Variants in PLCE1 observed in about 807,000 individuals in gnomAD.
PLCE1 encodes 1-phosphatidylinositol 4,5-bisphosphate phosphodiesterase epsilon-1.
PLCE1 carries 119 observed loss-of-function variants against 242.8 expected under a neutral mutation model. That is an observed-to-expected ratio of 0.49 (90% CI 0.42 to 0.57). The LOEUF (loss-of-function observed/expected upper bound fraction) is 0.57, where lower values mean the gene tolerates loss of function less well. PLCE1 is among the 20% of genes least tolerant of loss of function. The pLI is 0.00. For synonymous variants in PLCE1, 945 were observed against 1,017.4 expected (o/e 0.93, Z 1.35); for missense variants, 2,441 against 2,788.8 (o/e 0.88, Z 2.81).
intron 3 of PLCE1, among the ~76,000 whole-genome samples, chr10:94,170,855 G>A (rs750794121): frequency 6.6e-6 from 1 of 152,094 alleles, no homozygotes; most frequent in Non-Finnish European, 1.5e-5. Context: ...TAGCAAAGGA[G>A]GATAAGGAAG....
chr10:94,016,891 G>C (rs968986407), intron 1 of PLCE1, among the ~76,000 whole-genome samples: 1 of 151,744 alleles, frequency 6.6e-6, no homozygotes, highest in South Asian at 2.1e-4. Flanking sequence ...TTTAATCCCT[G>C]GTACCCATAA....
chr10:94,185,978 C>T (rs1349579135), intron 4 of PLCE1, among the ~76,000 whole-genome samples: 1 of 152,214 alleles, frequency 6.6e-6, no homozygotes, highest in African/African-American at 2.4e-5. Flanking sequence ...GGACTTCGCT[C>T]CATTTCAACA....
chr10:94,137,419 A>G (rs905128935), intron 3 of PLCE1, among the ~76,000 whole-genome samples: 5 of 152,222 alleles, frequency 3.3e-5, no homozygotes, highest in African/African-American at 4.8e-5. Context: ...GAGAGAAAAA[A>G]TTGAGATAAC....
intron 2 of PLCE1, among the ~76,000 whole-genome samples, chr10:94,129,943 A>G (rs1330681924): frequency 1.3e-5 from 2 of 152,090 alleles, no homozygotes; most frequent in Non-Finnish European, 2.9e-5. Context: ...TCCCTGCTCT[A>G]AACTCCACTG....
intron 10 of PLCE1, 104 bp downstream of exon 10, chr10:94,254,411 T>C: frequency 1.2e-6 from 1 of 809,680 alleles, no homozygotes; most frequent in Non-Finnish European, 2.2e-6. Flanking sequence ...CAAACATTTC[T>C]AACAAAACTC....
intron 2 of PLCE1, among the ~76,000 whole-genome samples, chr10:94,083,380 GC>G (rs1449319052): frequency 2.6e-5 from 4 of 152,108 alleles, no homozygotes; most frequent in Non-Finnish European, 4.4e-5. Context: ...GTTTTCATCA[GC>G]CCATTTTTTT....
intron 4 of PLCE1, among the ~76,000 whole-genome samples, chr10:94,216,328 A>G (rs2049524826): frequency 6.6e-6 from 1 of 152,156 alleles, no homozygotes; most frequent in Admixed American, 6.5e-5. Flanking sequence ...CTGAGGAGGG[A>G]CACGTCAGGC....
At chr10:94,229,870 G>A (rs1400965590) in intron 5 of PLCE1, among the ~76,000 whole-genome samples, 1 of 152,148 alleles carries the variant, frequency 6.6e-6, no homozygotes, top group South Asian at 2.1e-4. Flanking sequence ...AGATAGATAG[G>A]CGAAAGTACC....
chr10:94,249,084 C>T (rs1174684591), intron 8 of PLCE1, among the ~76,000 whole-genome samples: 1 of 152,114 alleles, frequency 6.6e-6, no homozygotes, highest in Non-Finnish European at 1.5e-5. Context: ...CAAGATGTTA[C>T]AGTGTAGAGG....
intron 1 of PLCE1, among the ~76,000 whole-genome samples, chr10:94,005,904 T>C (rs1186654368): frequency 6.6e-6 from 1 of 152,208 alleles, no homozygotes; most frequent in East Asian, 1.9e-4. Context: ...GGCCAGGGAC[T>C]TTTGTTGGTT....
chr10:94,196,391 GC>G (rs919850878), intron 4 of PLCE1, among the ~76,000 whole-genome samples: 1 of 152,168 alleles, frequency 6.6e-6, no homozygotes, highest in African/African-American at 2.4e-5. Flanking sequence ...GCTGGGTAGT[GC>G]CCCCAGAGAA....
rs565627337 is a variant in PLCE1, at chr10:94,134,255, C to T, written c.1492+1796C>T. On this transcript the variant is annotated intron_variant, in intron 3 of 32. Transcript: ENST00000371380. ...CTGGGACCACAGGCACACGCCACCT[C>T]GTCTGGCTAATTTTTGTATTTTTAG... Among the ~76,000 whole-genome samples, 4 of 152,190 alleles carry T rather than the reference C, an allele frequency of 2.6e-5. No homozygotes were observed. The East Asian group carries it at 5.8e-4, about 22-fold the overall frequency.
At chr10:94,140,986 G>A (rs2046937369) in intron 3 of PLCE1, among the ~76,000 whole-genome samples, 1 of 152,212 alleles carries the variant, frequency 6.6e-6, no homozygotes, top group African/African-American at 2.4e-5. Context: ...ATCACATCTG[G>A]AAGTCTTCAA....
intron 4 of PLCE1, among the ~76,000 whole-genome samples, chr10:94,174,767 A>G (rs1245235937): frequency 6.6e-6 from 1 of 152,224 alleles, no homozygotes. Context: ...GTAAGAAAAA[A>G]TTGAGGAACT....
intron 2 of PLCE1, among the ~76,000 whole-genome samples, chr10:94,048,689 A>C: frequency 7.0e-6 from 1 of 143,430 alleles, no homozygotes; most frequent in Non-Finnish European, 1.5e-5. Flanking sequence ...ATATATTTAT[A>C]AATAATATAA....
rs374570009 is a variant in PLCE1 at position 94,259,073 on chromosome 10, G to A, written c.3737G>A (p.Arg1246Gln). The A allele has an allele frequency of 1.3e-5, 21 of 1,613,842 alleles. No homozygotes were observed. Among genetic ancestry groups the A allele is most frequent in the Admixed American group, 3.3e-5 (2 of 59,980 alleles). Residue 1246 changes from arginine (R) to glutamine (Q), a missense_variant, in exon 13 of 33, where the codon CGA (arginine) becomes CAA (glutamine). Coordinates refer to ENST00000371380, the MANE Select transcript of PLCE1 (RefSeq NM_016341.4). Reference sequence around the variant, plus strand: ...GATGTCTATGCAGTGCCCTGCAACCGATCTGGCTCCGAGTCAGCCCCACTC... The same window carrying A: ...GATGTCTATGCAGTGCCCTGCAACCAATCTGGCTCCGAGTCAGCCCCACTC... ...LFDVYAVPCN[R>Q]SGSESAPLYT...
intron 3 of PLCE1, among the ~76,000 whole-genome samples, chr10:94,165,009 G>C (rs905547596): frequency 6.6e-6 from 1 of 152,200 alleles, no homozygotes; most frequent in African/African-American, 2.4e-5. Flanking sequence ...TTGTCTCAGA[G>C]GAGTACCCGG....
intron 2 of PLCE1, among the ~76,000 whole-genome samples, chr10:94,048,756 TAG>T (rs71485909): frequency 7.5e-5 from 11 of 146,436 alleles, no homozygotes; most frequent in East Asian, 2.0e-4. Context: ...CACATATATA[TAG>T]AGAGAGAGAG....
At chr10:94,204,800 AAG>A (rs1206884484) in intron 4 of PLCE1, among the ~76,000 whole-genome samples, 1 of 36,056 alleles carries the variant, frequency 2.8e-5, no homozygotes, top group African/African-American at 1.0e-4. Flanking sequence ...GGAAGGAAGG[AAG>A]CAAAATAATG....
Sources: allele counts gnomAD v4.1 joint callset (sites outside exome capture counted in the v4.1 genomes callset), GRCh38; gene constraint gnomAD v4.1.1; transcripts MANE v1.5; gene names NCBI Gene and HGNC (gene_info 2026-07-23, HGNC 2026-07-21).